Variants in UTP4 observed in about 807,000 individuals in gnomAD.
The protein encoded by UTP4 is UTP4 small subunit processome component.
In UTP4, 45 loss-of-function variants were observed where a neutral mutation model predicts 82.4. The ratio of observed to expected loss-of-function variants is 0.55; its 90% confidence interval spans 0.43 to 0.70. The LOEUF is 0.70. Ranked by LOEUF, UTP4 falls within the 30% of genes least tolerant of loss-of-function variation. The pLI, the probability that UTP4 is intolerant of heterozygous loss-of-function variation, is 0.00. For synonymous variants in UTP4, 348 were observed against 300.3 expected (o/e 1.16, Z -1.64); for missense variants, 819 against 858.3 (o/e 0.95, Z 0.57).
chr16:69,150,092 A>G (rs903562422), intron 6 of UTP4, among the ~76,000 whole-genome samples: 5 of 152,226 alleles, frequency 3.3e-5, no homozygotes, highest in Non-Finnish European at 7.3e-5. Context: ...AGTTCCAAAT[A>G]AAGGATTTTC....
chr16:69,137,211 A>G (rs1027237833), intron 3 of UTP4, among the ~76,000 whole-genome samples: 1 of 152,220 alleles, frequency 6.6e-6, no homozygotes, highest in African/African-American at 2.4e-5. Context: ...CAAATACAGC[A>G]TATTTAATCC....
chr16:69,145,842 T>C (rs1045027115), intron 6 of UTP4, among the ~76,000 whole-genome samples: 1 of 152,168 alleles, frequency 6.6e-6, no homozygotes, highest in Non-Finnish European at 1.5e-5. Context: ...CAGATGGCCG[T>C]GTTTGTCATG....
In UTP4 at chr16:69,143,273, A is replaced by G. The variant is rs1266294820; in HGVS notation, c.622A>G (p.Thr208Ala). 1.2e-6 allele frequency: 2 copies of G among 1,614,186 alleles called. No individual in the cohort carries two copies. Among genetic ancestry groups the G allele is most frequent in the African/African-American group, 1.3e-5 (1 of 75,038 alleles). Residue 208 changes from threonine (T) to alanine (A), a missense_variant, in exon 6 of 17, where the codon ACT (threonine) becomes GCT (alanine). By Grantham distance (58) the Thr-to-Ala change is moderately conservative. Transcript: ENST00000314423. ...GGGTGTCGCCTTCTTGTCCGATGGC[A>G]CTATCATAAGTGTGGACTCTGCTGG... is the stretch of plus-strand genomic sequence containing the variant. ...VWGVAFLSDG[T>A]IISVDSAGKV...
At chr16:69,165,026 T>G (rs1233784079) in intron 14 of UTP4, among the ~76,000 whole-genome samples, 1 of 151,804 alleles carries the variant, frequency 6.6e-6, no homozygotes, top group Non-Finnish European at 1.5e-5. Flanking sequence ...AAACCCCATC[T>G]CTACTAAAAA....
chr16:69,147,928 G>A (rs1963160974), intron 6 of UTP4, among the ~76,000 whole-genome samples: 1 of 151,926 alleles, frequency 6.6e-6, no homozygotes, highest in South Asian at 2.1e-4. Flanking sequence ...CACCACGCCT[G>A]TCTAATTTTT....
chr16:69,156,245 C>T (rs1963412217), intron 11 of UTP4, among the ~76,000 whole-genome samples: 1 of 150,652 alleles, frequency 6.6e-6, no homozygotes, highest in African/African-American at 2.4e-5. Flanking sequence ...ACCTCCGCCT[C>T]TTGGGTTCAA....
intron 6 of UTP4, among the ~76,000 whole-genome samples, chr16:69,150,297 A>C (rs1199408076): frequency 6.6e-6 from 1 of 152,144 alleles, no homozygotes; most frequent in African/African-American, 2.4e-5. Context: ...TGTTGGGTAT[A>C]TGAAGCGTTG....
intron 13 of UTP4, among the ~76,000 whole-genome samples, chr16:69,160,850 C>T (rs1215404938): frequency 6.6e-6 from 1 of 152,100 alleles, no homozygotes; most frequent in Admixed American, 6.6e-5. Context: ...CCCACCTCGG[C>T]CTCCCAAAGT....
intron 13 of UTP4, among the ~76,000 whole-genome samples, chr16:69,162,865 G>A (rs565470615): frequency 1.3e-5 from 2 of 151,780 alleles, no homozygotes; most frequent in African/African-American, 4.8e-5. Flanking sequence ...ACTCCAGCCT[G>A]GGTGACAAGA....
chr16:69,153,022 C>G (rs906950277), intron 8 of UTP4, among the ~76,000 whole-genome samples: 1 of 152,160 alleles, frequency 6.6e-6, no homozygotes, highest in Non-Finnish European at 1.5e-5. Flanking sequence ...CTTAGTGTGT[C>G]TTATAGAACC....
intron 2 of UTP4, among the ~76,000 whole-genome samples, chr16:69,136,385 A>G (rs567207838): frequency 1.3e-5 from 2 of 152,276 alleles, no homozygotes; most frequent in African/African-American, 4.8e-5. Flanking sequence ...GTGCCACCAC[A>G]CCCGGCTACT....
intron 3 of UTP4, 107 bp downstream of exon 3, chr16:69,136,994 ACC>A (rs1962830593): frequency 1.1e-6 from 1 of 936,930 alleles, no homozygotes; most frequent in Non-Finnish European, 1.8e-6. Context: ...GCATGTGGCA[ACC>A]CCAACTATAA....
Position 69,133,453 on chromosome 16 carries a change from C to T in UTP4, c.-2-5C>T, listed in dbSNP as rs765645929. On this transcript the variant is annotated splice_region_variant and splice_polypyrimidine_tract_variant and intron_variant, in intron 1 of 16. Transcript: ENST00000314423. ...AGCAATAATGACTCTCTTTTCGCCC[C>T]CTAGGAATGGGTGAATTTAAGGTCC... The T allele has an allele frequency of 6.8e-6, 11 of 1,613,866 alleles. No homozygotes were observed. Among genetic ancestry groups the T allele is most frequent in the Admixed American group, 6.7e-5 (4 of 59,982 alleles).
Position 69,139,263 on chromosome 16 carries a change from G to A in UTP4, c.437-562G>A, listed in dbSNP as rs550386057. ...ATTACAGACATGAGCAACTGCACCC[G>A]GCCTGGGTGTTCTTTCTCAATTACA... On this transcript the variant is annotated intron_variant, in intron 4 of 16. Coordinates refer to ENST00000314423, the MANE Select transcript of UTP4 (RefSeq NM_032830.3). Among the ~76,000 whole-genome samples, 4 of 151,718 alleles carry A rather than the reference G, an allele frequency of 2.6e-5. No individual in the cohort carries two copies. In the South Asian group the frequency reaches 6.3e-4, roughly 24 times the overall value.
chr16:69,161,327 T>G (rs1963556924), intron 13 of UTP4, among the ~76,000 whole-genome samples: 1 of 152,212 alleles, frequency 6.6e-6, no homozygotes, highest in South Asian at 2.1e-4. Context: ...GAATAAGCAT[T>G]AAAAGTGTAT....
rs542148322 is a variant in UTP4 at position 69,132,661 on chromosome 16, G to A, written c.-31G>A. Reference sequence around the variant, plus strand: ...GTGGGGCCGGGGCGGAGAGAGGCGAGCACCGGGAAGGGGAGCGTGGGGCCG... The same window carrying A: ...GTGGGGCCGGGGCGGAGAGAGGCGAACACCGGGAAGGGGAGCGTGGGGCCG... On this transcript the variant is annotated 5_prime_UTR_variant, in exon 1 of 17. Coordinates refer to ENST00000314423, the MANE Select transcript of UTP4 (RefSeq NM_032830.3). 3.3e-5 allele frequency: 12 copies of A among 358,444 alleles called. No individual in the cohort carries two copies. The East Asian group carries it at 1.6e-3, about 47-fold the overall frequency. 22.2% of individuals were successfully genotyped at this position (358,444 alleles called of 1,614,324 possible).
At chr16:69,144,912 C>T (rs572948476) in intron 6 of UTP4, among the ~76,000 whole-genome samples, 2 of 152,182 alleles carry the variant, frequency 1.3e-5, no homozygotes, top group Non-Finnish European at 2.9e-5. Flanking sequence ...GAGGCCAAGG[C>T]GGACGGATCA....
At chr16:69,134,769 C>T (rs1379962472) in intron 2 of UTP4, among the ~76,000 whole-genome samples, 2 of 137,078 alleles carry the variant, frequency 1.5e-5, no homozygotes, top group Non-Finnish European at 3.0e-5. Flanking sequence ...GTGGCGTGAT[C>T]TTGGCTCACT....
At chr16:69,152,925 T>C (rs1239049107) in intron 8 of UTP4, among the ~76,000 whole-genome samples, 1 of 152,194 alleles carries the variant, frequency 6.6e-6, no homozygotes, top group Non-Finnish European at 1.5e-5. Flanking sequence ...TCCAGGCCCA[T>C]TGATCTGTTT....
Sources: gnomAD v4.1 joint callset for allele counts (sites outside exome capture counted in the v4.1 genomes callset) on GRCh38, gnomAD v4.1.1 for gene constraint, MANE v1.5 for transcripts, NCBI Gene and HGNC (gene_info 2026-07-23, HGNC 2026-07-21) for gene names.